ADGRL3: variants seen among roughly 807,000 people sequenced by gnomAD.
The protein encoded by ADGRL3 is calcium-independent alpha-latrotoxin receptor 3.
Under a neutral mutation model 153.5 loss-of-function variants are expected in ADGRL3, and 62 were observed. The ratio of observed to expected loss-of-function variants is 0.40; its 90% CI spans 0.33 to 0.50. The LOEUF is 0.50. ADGRL3 is among the 20% of genes least tolerant of loss of function. The probability of loss-of-function intolerance (pLI) is 0.47; values close to 1 mark genes in which losing one functional copy is unlikely to be tolerated. For synonymous variants in ADGRL3, 710 were observed against 672.5 expected (o/e 1.06, Z -0.86); for missense variants, 1,641 against 1,859.4 (o/e 0.88, Z 2.16).
intron 4 of ADGRL3, among the ~76,000 whole-genome samples, chr4:61,543,655 C>T (rs750233728): frequency 3.9e-5 from 6 of 152,194 alleles, no homozygotes; most frequent in African/African-American, 9.6e-5. Context: ...GTATATTTAA[C>T]GTTTATTCTT....
At chr4:61,926,392 C>A (rs1313507814) in intron 13 of ADGRL3, among the ~76,000 whole-genome samples, 2 of 152,222 alleles carry the variant, frequency 1.3e-5, no homozygotes, top group Non-Finnish European at 2.9e-5. Flanking sequence ...AGTGCTATCT[C>A]CTTGACTATC....
intron 5 of ADGRL3, among the ~76,000 whole-genome samples, chr4:61,628,960 AC>A (rs2149984027): frequency 6.6e-6 from 1 of 152,340 alleles, no homozygotes; most frequent in South Asian, 2.1e-4. Context: ...CAAAGCAAAT[AC>A]AGCTTCACTT....
rs1276080985 is a variant in ADGRL3 at position 61,375,330 on chromosome 4, A to G, written c.-239-7794A>G. Among the ~76,000 whole-genome samples the G allele has an allele frequency of 2.0e-5, 3 of 152,202 alleles. No individual in the cohort carries two copies. The East Asian group carries it at 5.8e-4, about 29-fold the overall frequency. ...TGAACTAAAAACTGGAGGGTTAAAGACAGGATAAATAAATGTTTAAAGAAA... is the reference window on the plus strand; with the variant it reads ...TGAACTAAAAACTGGAGGGTTAAAGGCAGGATAAATAAATGTTTAAAGAAA... On this transcript the variant is annotated intron_variant, in intron 1 of 26. Coordinates refer to ENST00000683033, the MANE Select transcript of ADGRL3 (RefSeq NM_001387552.1).
At chr4:61,224,552 A>G (rs1233855325) in intron 1 of ADGRL3, among the ~76,000 whole-genome samples, 2 of 152,238 alleles carry the variant, frequency 1.3e-5, no homozygotes, top group Non-Finnish European at 2.9e-5. Flanking sequence ...TTAAGGCCAG[A>G]AAAAGAAGTG....
rs17090488 is a variant in ADGRL3, at chr4:61,499,688, A to G, written c.55+2340A>G. 9.1e-3 allele frequency among the ~76,000 whole-genome samples: 1,390 copies of G among 152,284 alleles called. 18 individuals are homozygous for G. The highest frequency in any genetic ancestry group is 0.032 in the African/African-American group (1,322 of 41,544). ...TAACAACCAGGAATTAGCTAGCCATAAAAGCTGATATATTTAATGTTGATA... is the reference window on the plus strand; with the variant it reads ...TAACAACCAGGAATTAGCTAGCCATGAAAGCTGATATATTTAATGTTGATA... On this transcript the variant is annotated intron_variant, in intron 3 of 26. Coordinates refer to ENST00000683033, the MANE Select transcript of ADGRL3 (RefSeq NM_001387552.1).
intron 21 of ADGRL3, among the ~76,000 whole-genome samples, chr4:62,007,837 G>T (rs150417943): frequency 1.3e-5 from 2 of 152,140 alleles, no homozygotes; most frequent in East Asian, 3.9e-4. Flanking sequence ...TGAGATTGAG[G>T]GTAGATAGTG....
At chr4:61,504,058 T>G (rs956527840) in intron 3 of ADGRL3, among the ~76,000 whole-genome samples, 3 of 152,172 alleles carry the variant, frequency 2.0e-5, no homozygotes, top group African/African-American at 7.2e-5. Context: ...AGTGGCATAA[T>G]CAGAGCCCAC....
At chr4:61,447,874 C>G (rs551864351) in intron 2 of ADGRL3, among the ~76,000 whole-genome samples, 4 of 152,246 alleles carry the variant, frequency 2.6e-5, no homozygotes, top group Non-Finnish European at 4.4e-5. Context: ...TGAAATATTT[C>G]TAGATGGTCT....
intron 6 of ADGRL3, among the ~76,000 whole-genome samples, chr4:61,712,553 A>G (rs1483945746): frequency 1.3e-5 from 2 of 152,208 alleles, no homozygotes; most frequent in African/African-American, 4.8e-5. Context: ...TGAATAAATC[A>G]GAAGTTGTAT....
chr4:61,391,074 T>C lies in ADGRL3; in HGVS notation c.-174+7885T>C, dbSNP rs565265502. ...CACTTGAGTTATTTCTAATTTGTAA[T>C]GATAATAAAGATTGTGTTAGTTCAT... On this transcript the variant is annotated intron_variant, in intron 2 of 26. Transcript: ENST00000683033. 2.0e-5 allele frequency among the ~76,000 whole-genome samples: 3 copies of C among 152,338 alleles called. No individual in the cohort carries two copies. The South Asian group carries it at 6.2e-4, about 32-fold the overall frequency.
intron 1 of ADGRL3, among the ~76,000 whole-genome samples, chr4:61,357,450 T>C (rs1156858783): frequency 1.3e-5 from 2 of 152,282 alleles, no homozygotes; most frequent in East Asian, 3.9e-4. Context: ...ATAGGAAATT[T>C]GTTCTTGCAA....
intron 1 of ADGRL3, among the ~76,000 whole-genome samples, chr4:61,361,637 A>G (rs1182833888): frequency 1.3e-5 from 2 of 152,166 alleles, no homozygotes; most frequent in Non-Finnish European, 2.9e-5. Flanking sequence ...GCAAAAGGCT[A>G]AGAGCAGTTT....
chr4:62,020,675 C>T (rs374211566), intron 21 of ADGRL3, among the ~76,000 whole-genome samples: 5 of 152,126 alleles, frequency 3.3e-5, no homozygotes, highest in East Asian at 3.9e-4. Context: ...AAACATTAAA[C>T]GATCAAATTC....
chr4:61,702,237 G>T (rs1025043214), intron 6 of ADGRL3, among the ~76,000 whole-genome samples: 1 of 152,034 alleles, frequency 6.6e-6, no homozygotes, highest in Non-Finnish European at 1.5e-5. Flanking sequence ...CAGACTAGTT[G>T]TCCTTAATGA....
At chr4:61,593,321 T>C (rs1329776620) in intron 5 of ADGRL3, among the ~76,000 whole-genome samples, 1 of 152,170 alleles carries the variant, frequency 6.6e-6, no homozygotes, top group Admixed American at 6.6e-5. Flanking sequence ...ATCTGTGTTT[T>C]TCTTTGGCCT....
intron 17 of ADGRL3, among the ~76,000 whole-genome samples, chr4:61,971,639 G>A (rs1186254872): frequency 6.6e-6 from 1 of 151,990 alleles, no homozygotes; most frequent in Non-Finnish European, 1.5e-5. Flanking sequence ...TGTCTTTATA[G>A]CAGCATGATT....
intron 23 of ADGRL3, among the ~76,000 whole-genome samples, chr4:62,031,956 T>C (rs1446708507): frequency 2.2e-5 from 3 of 137,758 alleles, no homozygotes; most frequent in East Asian, 2.0e-4. Flanking sequence ...GCATGAGTTA[T>C]ACACACACAC....
At chr4:61,786,315 A>G (rs1168365054) in intron 8 of ADGRL3, among the ~76,000 whole-genome samples, 1 of 152,180 alleles carries the variant, frequency 6.6e-6, no homozygotes, top group Non-Finnish European at 1.5e-5. Context: ...TATGGTTTAA[A>G]TATTCATTCA....
At chr4:61,851,599 A>C (rs1409286403) in intron 9 of ADGRL3, among the ~76,000 whole-genome samples, 2 of 151,440 alleles carry the variant, frequency 1.3e-5, no homozygotes, top group African/African-American at 4.8e-5. Flanking sequence ...CAAAAAAAAA[A>C]AAAAAAAAAA....
Sources: gnomAD v4.1 joint callset for allele counts (sites outside exome capture counted in the v4.1 genomes callset) on GRCh38, gnomAD v4.1.1 for gene constraint, MANE v1.5 for transcripts, NCBI Gene and HGNC (gene_info 2026-07-23, HGNC 2026-07-21) for gene names.